The following ANGPTL1 variants were observed in gnomAD, a reference collection of about 807,000 sequenced individuals.
ANGPTL1 encodes the protein angiopoietin-related protein 1.
ANGPTL1 carries 36 observed loss-of-function variants against 46.7 expected under a neutral mutation model. The observed-to-expected ratio is 0.77, with a 90% CI of 0.59 to 1.02. The LOEUF (loss-of-function observed/expected upper bound fraction) is 1.02, where lower values mean the gene tolerates loss of function less well. Ranked by LOEUF, ANGPTL1 falls within the 50% of genes least tolerant of loss-of-function variation. The pLI is 0.00. For missense variants in ANGPTL1, 571 were observed against 594.7 expected, an observed-to-expected ratio of 0.96 and a Z score of 0.41; for synonymous variants, 221 against 204.3, an observed-to-expected ratio of 1.08 and a Z score of -0.69.
rs990053149 is a variant in ANGPTL1 at position 178,869,113 on chromosome 1, C to T, written c.-27+1G>A. On this transcript the variant is annotated splice_donor_variant, in intron 2 of 5. Transcript: ENST00000234816. LOFTEE classifies it low-confidence loss of function (5UTR_SPLICE). ...TTATAAATTAGTTATAGAATACTTA[C>T]GTTTAAATTTAAGTCTTTACTTAGT... 1 of 151,922 alleles carries T rather than the reference C, an allele frequency of 6.6e-6. No individual in the cohort carries two copies. Among genetic ancestry groups the T allele is most frequent in the Non-Finnish European group, 1.5e-5 (1 of 67,916 alleles). The allele number at this position is 151,922 out of a possible 1,614,324, so 9.4% of individuals were successfully genotyped here.
intron 3 of ANGPTL1, among the ~76,000 whole-genome samples, chr1:178,856,425 T>TTTTTTTTTTTTTTTTC (rs1558152837): frequency 7.9e-6 from 1 of 126,536 alleles, no homozygotes; most frequent in East Asian, 2.3e-4. Context: ...TTTTTTTTTT[T>TTTTTTTTTTTTTTTTC]TGAGAGATGA....
At chr1:178,853,860 AT>A in intron 3 of ANGPTL1, 73 bp from the exon 4 acceptor site, 1 of 1,236,924 alleles carries the variant, frequency 8.1e-7, no homozygotes, top group Non-Finnish European at 1.1e-6. Context: ...TTTAATCAAG[AT>A]TTTTACCTTT....
intron 2 of ANGPTL1, among the ~76,000 whole-genome samples, chr1:178,868,045 A>T (rs1464016759): frequency 6.6e-6 from 1 of 152,060 alleles, no homozygotes; most frequent in Non-Finnish European, 1.5e-5. Context: ...TAGGGAGGAC[A>T]TAACAATCTG....
At chr1:178,870,029 C>CGG (rs1658654414) in intron 1 of ANGPTL1, among the ~76,000 whole-genome samples, 2 of 152,020 alleles carry the variant, frequency 1.3e-5, no homozygotes, top group Non-Finnish European at 2.9e-5. Flanking sequence ...TTACATAATG[C>CGG]TTTTGTGTGT....
chr1:178,860,194 A>G lies in ANGPTL1; in HGVS notation c.823+4760T>C, dbSNP rs1175217422. On this transcript the variant is annotated intron_variant, in intron 3 of 5. Coordinates refer to ENST00000234816, the MANE Select transcript of ANGPTL1 (RefSeq NM_004673.4). ...ATTTGTAAAAGAGTAATTTTTTTTA[A>G]TAAAAGACTAACCCAAAATGCAGGC... 7.2e-5 allele frequency among the ~76,000 whole-genome samples: 11 copies of G among 152,238 alleles called. No homozygotes were observed. In the South Asian group the frequency reaches 1.7e-3, roughly 23 times the overall value.
At chr1:178,860,022 T>C (rs1657889462) in intron 3 of ANGPTL1, among the ~76,000 whole-genome samples, 1 of 152,046 alleles carries the variant, frequency 6.6e-6, no homozygotes, top group African/African-American at 2.4e-5. Flanking sequence ...CACAACAATT[T>C]ATTTTACAAA....
Position 178,865,757 on chromosome 1 carries a change from G to A in ANGPTL1, c.20C>T (p.Thr7Ile), listed in dbSNP as rs753315982. The A allele has an allele frequency of 6.2e-7, 1 of 1,602,170 alleles. No homozygotes were observed. Among genetic ancestry groups the A allele is most frequent in the Admixed American group, 1.7e-5 (1 of 58,422 alleles). Residue 7 changes from threonine (T) to isoleucine (I), a missense_variant, in exon 3 of 6, where the codon ACC becomes ATC. By Grantham distance (89) the Thr-to-Ile change is moderately conservative. Transcript: ENST00000234816. Reference protein sequence around the residue: MKTFTWTLGVLFFLLVD... With the variant: MKTFTWILGVLFFLLVD... ...TAGTAGGAAGAATAGCACACCTAGG[G>A]TCCAGGTAAAAGTCTTCATTTTGAA...
At chr1:178,858,514 C>T (rs999877953) in intron 3 of ANGPTL1, among the ~76,000 whole-genome samples, 5 of 152,042 alleles carry the variant, frequency 3.3e-5, no homozygotes, top group Non-Finnish European at 7.4e-5. Flanking sequence ...CTGGAATTAC[C>T]TTTCTTTTAA....
Position 178,870,789 on chromosome 1 carries a change from TC to T in ANGPTL1, c.-186del, listed in dbSNP as rs1448158301. On this transcript the variant is annotated 5_prime_UTR_variant, in exon 1 of 6. Coordinates refer to ENST00000234816, the MANE Select transcript of ANGPTL1 (RefSeq NM_004673.4). ...GAATCCAGAAACTTGCTGCCCTTAT[TC>T]TTGATTTTAAAAATCAGTGTAGAAG... 27 of 152,214 alleles carry T rather than the reference TC, an allele frequency of 1.8e-4. 1 individual carries two copies. The highest frequency in any genetic ancestry group is 1.8e-3 in the Admixed American group (27 of 15,274). 9.4% of individuals were successfully genotyped at this position (152,214 alleles called of 1,614,324 possible).
At chr1:178,856,410 T>TTTTTTTTTTTTTTTTTTTTTTTTG (rs1657583449) in intron 3 of ANGPTL1, among the ~76,000 whole-genome samples, 1 of 110,108 alleles carries the variant, frequency 9.1e-6, no homozygotes, top group Non-Finnish European at 1.8e-5. Context: ...TTTTTTTTTT[T>TTTTTTTTTTTTTTTTTTTTTTTTG]TTTTTTTTTT....
rs1210293515 is a variant in ANGPTL1, at chr1:178,850,908, T to G, written c.*221A>C. On this transcript the variant is annotated 3_prime_UTR_variant, in exon 6 of 6. Transcript: ENST00000234816. ...CAAACTTTGTATTTAGTCAACATAA[T>G]TTTTAAAATAACTAGGTTGTGGATA... is the stretch of plus-strand genomic sequence containing the variant. 2.6e-6 allele frequency: 1 copy of G among 385,930 alleles called. No individual in the cohort carries two copies. Among genetic ancestry groups the G allele is most frequent in the Non-Finnish European group, 4.5e-6 (1 of 220,424 alleles). 23.9% of individuals were successfully genotyped at this position (385,930 alleles called of 1,614,324 possible).
At chr1:178,855,105 CT>C (rs2102302310) in intron 3 of ANGPTL1, among the ~76,000 whole-genome samples, 1 of 152,066 alleles carries the variant, frequency 6.6e-6, no homozygotes, top group African/African-American at 2.4e-5. Context: ...AATTTCTGTA[CT>C]ATAAGGATAA....
chr1:178,850,520 T>TA lies in ANGPTL1; in HGVS notation c.*608dup, dbSNP rs915187908. On this transcript the variant is annotated 3_prime_UTR_variant, in exon 6 of 6. Transcript: ENST00000234816. ...TTATTTTTGGGTTTTTTTTTATTTT[T>TA]AAAAATGATATGTATTTAATACTAT... 1 of 152,094 alleles carries TA rather than the reference T, an allele frequency of 6.6e-6. No individual in the cohort carries two copies. Among genetic ancestry groups the TA allele is most frequent in the Non-Finnish European group, 1.5e-5 (1 of 68,000 alleles). The allele number at this position is 152,094 out of a possible 1,614,324, so 9.4% of individuals were successfully genotyped here.
At chr1:178,862,688 A>G (rs964037637) in intron 3 of ANGPTL1, among the ~76,000 whole-genome samples, 29 of 152,172 alleles carry the variant, frequency 1.9e-4, no homozygotes, top group African/African-American at 6.0e-4. Context: ...GGCAGAAAGC[A>G]TGAAAATATT....
In ANGPTL1 at chr1:178,862,897, A is replaced by G. The variant is rs150724423; in HGVS notation, c.823+2057T>C. 6.6e-5 allele frequency among the ~76,000 whole-genome samples: 10 copies of G among 152,336 alleles called. No individual in the cohort carries two copies. In the East Asian group the frequency reaches 1.9e-3, roughly 29 times the overall value. ...AGATGAATCTGCTGGCAATGTAAAT[A>G]TATTTTGATGGAGAGAGAAAACAGA... On this transcript the variant is annotated intron_variant, in intron 3 of 5. Transcript: ENST00000234816.
rs370931833 is a variant in ANGPTL1 at position 178,852,807 on chromosome 1, C to T, written c.1164G>A (p.Leu388=). 3.3e-5 allele frequency: 53 copies of T among 1,613,778 alleles called. No individual in the cohort carries two copies. The highest frequency in any genetic ancestry group is 3.9e-5 in the Non-Finnish European group (46 of 1,179,866). Residue 388 remains leucine, a synonymous_variant, in exon 5 of 6, where the codon CTG becomes CTA. Transcript: ENST00000234816. ...GTCTATAGAATTCACTTTCAGGTTC[C>T]AGACGAAAGCTGCTGTATTCTGCAT... ...KVYAEYSSFR[L]EPESEFYRLR...
chr1:178,859,233 T>C (rs1285107921), intron 3 of ANGPTL1, among the ~76,000 whole-genome samples: 1 of 152,104 alleles, frequency 6.6e-6, no homozygotes, highest in Non-Finnish European at 1.5e-5. Context: ...AGTTTTTTTG[T>C]TTTGTATTAA....
Position 178,856,198 on chromosome 1 carries a change from GAGAGAT to G in ANGPTL1, c.824-2417_824-2412del, listed in dbSNP as rs1292601323. The stretch of plus-strand genomic sequence containing the variant: ...TGTTACCTGTACTTTTCCAGAGAGA[GAGAGAT>G]ATATATATATATATATATATATATA... On this transcript the variant is annotated intron_variant, in intron 3 of 5. Coordinates refer to ENST00000234816, the MANE Select transcript of ANGPTL1 (RefSeq NM_004673.4). 7.0e-3 allele frequency among the ~76,000 whole-genome samples: 330 copies of G among 47,226 alleles called. 4 individuals carry two copies. Among genetic ancestry groups the G allele is most frequent in the African/African-American group, 0.02 (316 of 16,090 alleles). The allele number at this position is 47,226 out of a possible 152,430, so 31.0% of individuals were successfully genotyped here.
chr1:178,870,841 A>G lies in ANGPTL1; in HGVS notation c.-237T>C, dbSNP rs531992775. 6.6e-6 allele frequency: 1 copy of G among 152,306 alleles called. No individual in the cohort carries two copies. The highest frequency in any genetic ancestry group is 1.5e-5 in the Non-Finnish European group (1 of 68,016). 9.4% of individuals were successfully genotyped at this position (152,306 alleles called of 1,614,324 possible). On this transcript the variant is annotated 5_prime_UTR_variant, in exon 1 of 6. Coordinates refer to ENST00000234816, the MANE Select transcript of ANGPTL1 (RefSeq NM_004673.4). ...TTTGTTCATCTGTGACTTTAATGGC[A>G]GCTGCATTTTTGTTTTGGACCGTTG... is the stretch of plus-strand genomic sequence containing the variant.
Sources: gnomAD v4.1 joint callset for allele counts (sites outside exome capture counted in the v4.1 genomes callset) on GRCh38, gnomAD v4.1.1 for gene constraint, MANE v1.5 for transcripts, NCBI Gene and HGNC (gene_info 2026-07-23, HGNC 2026-07-21) for gene names.